Variants in CACNA2D3 observed in about 807,000 individuals in gnomAD.
CACNA2D3 encodes the protein voltage-dependent calcium channel subunit alpha-2/delta-3.
In CACNA2D3, 60 loss-of-function variants were observed where a neutral mutation model predicts 160.6. The observed-to-expected ratio is 0.37, with a 90% CI of 0.30 to 0.46. The LOEUF is 0.46. Among genes scored for constraint, CACNA2D3 ranks in the 20% least tolerant of loss-of-function variants. The pLI is 1.00. For synonymous variants in CACNA2D3, 558 were observed against 492.9 expected (o/e 1.13, Z -1.75); for missense variants, 1,205 against 1,365.0 (o/e 0.88, Z 1.85).
chr3:54,164,040 C>T (rs537682933), intron 2 of CACNA2D3, among the ~76,000 whole-genome samples: 4 of 152,312 alleles, frequency 2.6e-5, no homozygotes, highest in East Asian at 1.9e-4. Context: ...TGGCCAGCCA[C>T]GCGGTGGAGT....
At chr3:54,380,597 G>A (rs1343887069) in intron 3 of CACNA2D3, among the ~76,000 whole-genome samples, 1 of 152,148 alleles carries the variant, frequency 6.6e-6, no homozygotes, top group Non-Finnish European at 1.5e-5. Context: ...AATTAGCCAG[G>A]CATGGTAGCG....
At chr3:54,711,057 TTTGA>T (rs1469500488) in intron 11 of CACNA2D3, among the ~76,000 whole-genome samples, 4 of 152,130 alleles carry the variant, frequency 2.6e-5, no homozygotes, top group Non-Finnish European at 4.4e-5. Flanking sequence ...GGAGAGGCTG[TTTGA>T]TTGGTGAGCA....
intron 14 of CACNA2D3, among the ~76,000 whole-genome samples, chr3:54,835,235 G>T (rs1559599574): frequency 6.6e-6 from 1 of 152,170 alleles, no homozygotes; most frequent in Non-Finnish European, 1.5e-5. Context: ...CCCCTGTTGG[G>T]AGTTTTTTTC....
intron 2 of CACNA2D3, among the ~76,000 whole-genome samples, chr3:54,309,433 A>G (rs1034259382): frequency 1.3e-5 from 2 of 152,146 alleles, no homozygotes; most frequent in African/African-American, 4.8e-5. Flanking sequence ...ATCTATGAAG[A>G]TTTTTTTTAA....
chr3:54,172,480 A>G (rs1700593666), intron 2 of CACNA2D3, among the ~76,000 whole-genome samples: 2 of 152,258 alleles, frequency 1.3e-5, no homozygotes, highest in Non-Finnish European at 2.9e-5. Flanking sequence ...ATGGCCCACT[A>G]CATATAGGTG....
chr3:54,387,831 T>C (rs1699215478), intron 4 of CACNA2D3, among the ~76,000 whole-genome samples: 1 of 152,212 alleles, frequency 6.6e-6, no homozygotes, highest in Non-Finnish European at 1.5e-5. Context: ...TTTAGTGGCA[T>C]GTGGTCACAA....
intron 4 of CACNA2D3, among the ~76,000 whole-genome samples, chr3:54,433,585 T>A (rs2106778459): frequency 6.6e-6 from 1 of 152,272 alleles, no homozygotes; most frequent in African/African-American, 2.4e-5. Flanking sequence ...CTCTTGTAAC[T>A]AAAAACATTT....
At chr3:54,519,504 TGAA>T (rs1393440293) in intron 5 of CACNA2D3, among the ~76,000 whole-genome samples, 1 of 152,222 alleles carries the variant, frequency 6.6e-6, no homozygotes, top group African/African-American at 2.4e-5. Flanking sequence ...GAATTGGAGA[TGAA>T]GAAGTCAGAC....
intron 21 of CACNA2D3, among the ~76,000 whole-genome samples, chr3:54,884,253 T>C (rs1233110751): frequency 6.6e-6 from 1 of 152,242 alleles, no homozygotes; most frequent in African/African-American, 2.4e-5. Context: ...TTGTATCTCA[T>C]GGTAGATATA....
At chr3:54,257,918 G>C (rs1400146058) in intron 2 of CACNA2D3, among the ~76,000 whole-genome samples, 1 of 152,190 alleles carries the variant, frequency 6.6e-6, no homozygotes, top group Non-Finnish European at 1.5e-5. Flanking sequence ...TAGTCCAATA[G>C]TCCCTGGTTA....
At chr3:54,230,914 T>G (rs1261088808) in intron 2 of CACNA2D3, among the ~76,000 whole-genome samples, 1 of 152,238 alleles carries the variant, frequency 6.6e-6, no homozygotes, top group Admixed American at 6.5e-5. Flanking sequence ...TTTCCAAGCT[T>G]CTTTTTAATC....
chr3:54,736,257 C>T (rs904923143), intron 11 of CACNA2D3, among the ~76,000 whole-genome samples: 1 of 150,754 alleles, frequency 6.6e-6, no homozygotes, highest in Non-Finnish European at 1.5e-5. Context: ...TAGCAATCGG[C>T]TTTGCCATTA....
intron 16 of CACNA2D3, among the ~76,000 whole-genome samples, chr3:54,845,759 A>G (rs776794140): frequency 3.3e-5 from 5 of 152,244 alleles, no homozygotes; most frequent in African/African-American, 4.8e-5. Context: ...GAGGCTCCGC[A>G]TAGAAAATTA....
intron 9 of CACNA2D3, among the ~76,000 whole-genome samples, chr3:54,611,510 C>T (rs897065455): frequency 2.6e-5 from 4 of 152,130 alleles, no homozygotes; most frequent in African/African-American, 9.7e-5. Flanking sequence ...CTTATTGATT[C>T]AGCAGTGGAA....
chr3:54,360,348 A>T (rs772296977), intron 3 of CACNA2D3, among the ~76,000 whole-genome samples: 35 of 152,220 alleles, frequency 2.3e-4, no homozygotes, highest in Non-Finnish European at 4.4e-4. Flanking sequence ...ATATGCAAAC[A>T]AAATTGCAAA....
intron 4 of CACNA2D3, among the ~76,000 whole-genome samples, chr3:54,417,543 T>C (rs1056523087): frequency 3.8e-5 from 5 of 132,388 alleles, no homozygotes; most frequent in Non-Finnish European, 6.4e-5. Context: ...GGTTGTATGC[T>C]CATTCTTTTA....
chr3:54,969,945 C>T (rs1231975874), intron 29 of CACNA2D3, 101 bp downstream of exon 29: 31 of 963,390 alleles, frequency 3.2e-5, no homozygotes, highest in African/African-American at 9.9e-5. Context: ...GCCAGGTTGA[C>T]GCATTGTACT....
intron 27 of CACNA2D3, among the ~76,000 whole-genome samples, chr3:54,951,855 T>C (rs1437693667): frequency 6.6e-6 from 1 of 152,208 alleles, no homozygotes; most frequent in Non-Finnish European, 1.5e-5. Context: ...CTTGTTATTT[T>C]ATTTTAATTT....
chr3:54,717,547 TGTG>T (rs397874671), intron 11 of CACNA2D3, among the ~76,000 whole-genome samples: 1 of 48,862 alleles, frequency 2.0e-5, no homozygotes, highest in African/African-American at 4.9e-5. Flanking sequence ...GGTGTGCATG[TGTG>T]GTGTGTGTGT....
Sources: gnomAD v4.1 joint callset for allele counts (sites outside exome capture counted in the v4.1 genomes callset) on GRCh38, gnomAD v4.1.1 for gene constraint, MANE v1.5 for transcripts, NCBI Gene and HGNC (gene_info 2026-07-23, HGNC 2026-07-21) for gene names.